The following DPYD variants were observed in gnomAD, a reference collection of about 807,000 sequenced individuals.
DPYD encodes dihydropyrimidine dehydrogenase [NADP(+)].
Under a neutral mutation model 116.2 loss-of-function variants are expected in DPYD, and 109 were observed. That is an observed-to-expected ratio of 0.94 (90% CI 0.80 to 1.10). The LOEUF (loss-of-function observed/expected upper bound fraction) is 1.10. Among genes scored for constraint, DPYD ranks in the 50% least tolerant of loss-of-function variants. DPYD has a pLI of 0.00. For synonymous variants in DPYD, 440 were observed against 432.0 expected, an observed-to-expected ratio of 1.02 and a Z score of -0.23; for missense variants, 1,302 against 1,254.5, an observed-to-expected ratio of 1.04 and a Z score of -0.57.
chr1:97,463,843 C>T (rs1677154858), intron 13 of DPYD, among the ~76,000 whole-genome samples: 1 of 152,168 alleles, frequency 6.6e-6, no homozygotes, highest in South Asian at 2.1e-4. Context: ...TTTAGGGTAT[C>T]TGGCAGAAGA....
intron 5 of DPYD, among the ~76,000 whole-genome samples, chr1:97,713,977 C>T (rs1314606682): frequency 6.6e-6 from 1 of 151,850 alleles, no homozygotes; most frequent in Non-Finnish European, 1.5e-5. Flanking sequence ...AAGTTATTAG[C>T]TATATATATT....
chr1:97,271,205 G>T (rs1305332816), intron 18 of DPYD, among the ~76,000 whole-genome samples: 2 of 152,216 alleles, frequency 1.3e-5, no homozygotes, highest in Non-Finnish European at 2.9e-5. Context: ...GCACAGCTGA[G>T]CCTGGGGGCA....
At chr1:97,282,847 T>C (rs1179370062) in intron 18 of DPYD, among the ~76,000 whole-genome samples, 1 of 152,132 alleles carries the variant, frequency 6.6e-6, no homozygotes, top group African/African-American at 2.4e-5. Context: ...TTAATTTGCT[T>C]AGGATAATGG....
intron 14 of DPYD, among the ~76,000 whole-genome samples, chr1:97,386,788 C>T (rs992407122): frequency 2.0e-5 from 3 of 151,588 alleles, no homozygotes; most frequent in African/African-American, 7.3e-5. Flanking sequence ...TAAAGATGAC[C>T]AAAAAATAAT....
intron 8 of DPYD, among the ~76,000 whole-genome samples, chr1:97,615,632 C>A (rs889866375): frequency 1.3e-5 from 2 of 152,026 alleles, no homozygotes; most frequent in Admixed American, 1.3e-4. Context: ...TCCTGGCTGA[C>A]AAAAAAATAA....
intron 8 of DPYD, among the ~76,000 whole-genome samples, chr1:97,672,813 T>C (rs367851329): frequency 5.3e-5 from 8 of 152,188 alleles, no homozygotes. Context: ...GGCCACTCTG[T>C]AGCAAATTTA....
At chr1:97,292,682 A>T (rs576726903) in intron 18 of DPYD, among the ~76,000 whole-genome samples, 1 of 151,504 alleles carries the variant, frequency 6.6e-6, no homozygotes, top group East Asian at 2.0e-4. Flanking sequence ...AAACACCCAG[A>T]CACAAACACA....
intron 13 of DPYD, among the ~76,000 whole-genome samples, chr1:97,460,231 T>C (rs1264299353): frequency 1.3e-5 from 2 of 152,234 alleles, no homozygotes; most frequent in Non-Finnish European, 2.9e-5. Flanking sequence ...TTACTGCCTC[T>C]GTTGTCATAT....
chr1:97,291,078 A>T (rs1164173890), intron 18 of DPYD, among the ~76,000 whole-genome samples: 2 of 152,252 alleles, frequency 1.3e-5, no homozygotes, highest in East Asian at 3.8e-4. Flanking sequence ...CATCAGACAA[A>T]TGAAAAAATG....
intron 3 of DPYD, among the ~76,000 whole-genome samples, chr1:97,779,706 G>T (rs1258278344): frequency 6.6e-6 from 1 of 151,868 alleles, no homozygotes; most frequent in Non-Finnish European, 1.5e-5. Context: ...AAGAAATCAT[G>T]GCGTGCATTT....
chr1:97,120,460 C>T (rs552674985), intron 20 of DPYD, among the ~76,000 whole-genome samples: 10 of 152,160 alleles, frequency 6.6e-5, no homozygotes, highest in East Asian at 1.9e-4. Flanking sequence ...AGTCTCTTAG[C>T]GGACGACAGA....
chr1:97,270,670 CT>C (rs1397063880), intron 18 of DPYD, among the ~76,000 whole-genome samples: 1 of 152,108 alleles, frequency 6.6e-6, no homozygotes, highest in African/African-American at 2.4e-5. Flanking sequence ...GGGAATTTGT[CT>C]GCTAAAAGAG....
chr1:97,306,096 G>C, intron 17 of DPYD, 81 bp downstream of exon 17: 1 of 1,601,030 alleles, frequency 6.2e-7, no homozygotes, highest in South Asian at 1.1e-5. Context: ...ATGTTTGTAG[G>C]AAAAGACATA....
intron 5 of DPYD, chr1:97,700,318 G>C (rs968620374): frequency 6.6e-6 from 3 of 454,952 alleles, no homozygotes; most frequent in Non-Finnish European, 1.3e-5. Flanking sequence ...GCAAAATAAA[G>C]TACAGAAGAG....
chr1:97,463,360 C>T (rs1677127708), intron 13 of DPYD, among the ~76,000 whole-genome samples: 1 of 152,158 alleles, frequency 6.6e-6, no homozygotes, highest in South Asian at 2.1e-4. Context: ...GTGACTTTGT[C>T]CTCCTTGCCT....
chr1:97,526,556 A>C (rs1649113727), intron 12 of DPYD, among the ~76,000 whole-genome samples: 1 of 152,200 alleles, frequency 6.6e-6, no homozygotes, highest in African/African-American at 2.4e-5. Context: ...CAGAGCATTC[A>C]AGGATGAGGT....
chr1:97,751,574 G>A (rs1482352816), intron 3 of DPYD, among the ~76,000 whole-genome samples: 1 of 144,034 alleles, frequency 6.9e-6, no homozygotes, highest in Non-Finnish European at 1.5e-5. Flanking sequence ...TATCAGCCTG[G>A]GCAACATAGA....
At chr1:97,115,087 T>G (rs1448801871) in intron 20 of DPYD, among the ~76,000 whole-genome samples, 1 of 152,192 alleles carries the variant, frequency 6.6e-6, no homozygotes, top group Non-Finnish European at 1.5e-5. Flanking sequence ...GTAAATAGGA[T>G]GTCTTTAAGT....
intron 12 of DPYD, among the ~76,000 whole-genome samples, chr1:97,527,647 T>C (rs1649248231): frequency 6.6e-6 from 1 of 152,248 alleles, no homozygotes; most frequent in East Asian, 1.9e-4. Flanking sequence ...ACCACTGGTT[T>C]CCTCTGTTAT....
Sources: gnomAD v4.1 joint callset for allele counts (sites outside exome capture counted in the v4.1 genomes callset) on GRCh38, gnomAD v4.1.1 for gene constraint, MANE v1.5 for transcripts, NCBI Gene and HGNC (gene_info 2026-07-23, HGNC 2026-07-21) for gene names.